The following TAOK1 variants were observed in gnomAD, a reference collection of about 807,000 sequenced individuals.
TAOK1 encodes TAO kinase 1.
In TAOK1, 21 loss-of-function variants were observed where a neutral mutation model predicts 138.3. The observed-to-expected ratio is 0.15, with a 90% CI of 0.11 to 0.22. The LOEUF is 0.22. TAOK1 is among the 10% of genes least tolerant of loss of function. The probability of loss-of-function intolerance (pLI) is 1.00; values close to 1 mark genes in which losing one functional copy is unlikely to be tolerated. For synonymous variants in TAOK1, 361 were observed against 398.4 expected, an observed-to-expected ratio of 0.91 and a Z score of 1.12; for missense variants, 651 against 1,227.7, an observed-to-expected ratio of 0.53 and a Z score of 7.02.
rs2030232670 is a variant in TAOK1, at chr17:29,451,442, T to C, written c.-94-13T>C. ...TTTGCCTTTTCTGACTTTTTTTTTCTATTTTTCTACAGTAGTTTATGCCAA... is the reference window on the plus strand; with the variant it reads ...TTTGCCTTTTCTGACTTTTTTTTTCCATTTTTCTACAGTAGTTTATGCCAA... On this transcript the variant is annotated splice_polypyrimidine_tract_variant and intron_variant, in intron 1 of 19. Coordinates refer to ENST00000261716, the MANE Select transcript of TAOK1 (RefSeq NM_020791.4). 1 of 1,363,242 alleles carries C rather than the reference T, an allele frequency of 7.3e-7. No individual in the cohort carries two copies. The highest frequency in any genetic ancestry group is 9.6e-7 in the Non-Finnish European group (1 of 1,038,006). 84.4% of individuals were successfully genotyped at this position (1,363,242 alleles called of 1,614,324 possible).
intron 1 of TAOK1, among the ~76,000 whole-genome samples, chr17:29,422,880 C>T (rs1370879966): frequency 6.6e-6 from 1 of 152,076 alleles, no homozygotes; most frequent in Non-Finnish European, 1.5e-5. Flanking sequence ...CAAAAATTAA[C>T]CGGGCGTGGT....
chr17:29,417,559 G>A (rs773023698), intron 1 of TAOK1, among the ~76,000 whole-genome samples: 1 of 152,170 alleles, frequency 6.6e-6, no homozygotes, highest in Non-Finnish European at 1.5e-5. Flanking sequence ...GGTCACCATT[G>A]CCTCAGGCCC....
intron 11 of TAOK1, among the ~76,000 whole-genome samples, chr17:29,497,330 T>A (rs1241231889): frequency 6.6e-6 from 1 of 152,154 alleles, no homozygotes; most frequent in Admixed American, 6.5e-5. Context: ...TTATTTTTAG[T>A]TCTTAATGAT....
rs536890474 is a variant in TAOK1 at position 29,456,335 on chromosome 17, G to A, written c.132+4655G>A. On this transcript the variant is annotated intron_variant, in intron 2 of 19. Transcript: ENST00000261716. ...CCACTGCACTCCAGCCTGGGGGATA[G>A]AGCGAGACTCTGTCTCCGGGAAAAA... 2.4e-4 allele frequency among the ~76,000 whole-genome samples: 36 copies of A among 150,204 alleles called. No individual in the cohort carries two copies. In the South Asian group the frequency reaches 7.5e-3, roughly 31 times the overall value.
chr17:29,495,877 A>G, intron 11 of TAOK1, 150 bp downstream of exon 11: 1 of 674,716 alleles, frequency 1.5e-6, no homozygotes, highest in Non-Finnish European at 2.2e-6. Flanking sequence ...AGTTAGGAAT[A>G]AAAAAAGGTC....
rs1297757046 is a variant in TAOK1 at position 29,397,667 on chromosome 17, A to G, written c.-95+6643A>G. Among the ~76,000 whole-genome samples, 4 of 36,458 alleles carry G rather than the reference A, an allele frequency of 1.1e-4. 1 individual carries two copies. Among genetic ancestry groups the G allele is most frequent in the African/African-American group, 4.4e-4 (4 of 9,090 alleles). The allele number at this position is 36,458 out of a possible 152,430, so 23.9% of individuals were successfully genotyped here. On this transcript the variant is annotated intron_variant, in intron 1 of 19. Transcript: ENST00000261716. The stretch of plus-strand genomic sequence containing the variant: ...GTATATATGTATATTCATGTATGAT[A>G]CATGTATACATGTATACATGTATAT...
At chr17:29,396,822 C>G (rs1904617063) in intron 1 of TAOK1, among the ~76,000 whole-genome samples, 1 of 151,626 alleles carries the variant, frequency 6.6e-6, no homozygotes, top group South Asian at 2.1e-4. Context: ...GGAAACCCGT[C>G]TCTACTAAAA....
At chr17:29,508,200 C>T (rs1206838276) in intron 14 of TAOK1, 68 bp downstream of exon 14, 7 of 1,347,178 alleles carry the variant, frequency 5.2e-6, no homozygotes, top group Non-Finnish European at 6.3e-6. Flanking sequence ...ACCAACATGG[C>T]AGTTTGATGT....
At chr17:29,458,128 C>T (rs2030439234) in intron 2 of TAOK1, among the ~76,000 whole-genome samples, 1 of 151,886 alleles carries the variant, frequency 6.6e-6, no homozygotes, top group Non-Finnish European at 1.5e-5. Context: ...AAAAATTAAC[C>T]ATAACACTGT....
intron 3 of TAOK1, 152 bp from the exon 4 acceptor site, chr17:29,475,518 T>G (rs2030925343): frequency 3.5e-6 from 2 of 567,640 alleles, no homozygotes; most frequent in Non-Finnish European, 6.1e-6. Flanking sequence ...CCAGCCTGGG[T>G]GAAAGAGCAA....
intron 19 of TAOK1, among the ~76,000 whole-genome samples, chr17:29,540,864 C>G (rs1294453653): frequency 6.6e-6 from 1 of 152,020 alleles, no homozygotes; most frequent in Non-Finnish European, 1.5e-5. Context: ...GCCACTGTGC[C>G]CGGCCAATTT....
chr17:29,391,909 A>T (rs1904443605), intron 1 of TAOK1, among the ~76,000 whole-genome samples: 1 of 152,102 alleles, frequency 6.6e-6, no homozygotes, highest in African/African-American at 2.4e-5. Flanking sequence ...TTTTTCTATG[A>T]CTTTTGTAGT....
intron 13 of TAOK1, 112 bp from the exon 14 acceptor site, chr17:29,507,784 A>T: frequency 1.0e-6 from 1 of 959,568 alleles, no homozygotes; most frequent in Non-Finnish European, 1.5e-6. Context: ...ATCTGCTAAC[A>T]TTGGGATATT....
At position 29,522,272 on chromosome 17, in the gene TAOK1, T is replaced by C. The variant is rs777651355; in HGVS notation, c.1909-8T>C. ...AGTTATACCTTTGTCTTTTGTGTTATGGATTAGGAGTTAAACAAAAGACAG... is the reference window on the plus strand; with the variant it reads ...AGTTATACCTTTGTCTTTTGTGTTACGGATTAGGAGTTAAACAAAAGACAG... On this transcript the variant is annotated splice_region_variant and splice_polypyrimidine_tract_variant and intron_variant, in intron 16 of 19. Coordinates refer to ENST00000261716, the MANE Select transcript of TAOK1 (RefSeq NM_020791.4). 8 of 1,613,106 alleles carry C rather than the reference T, an allele frequency of 5.0e-6. No homozygotes were observed. In the Admixed American group the frequency reaches 8.3e-5, roughly 17 times the overall value.
rs192796502 is a variant in TAOK1, at chr17:29,521,723, C to T, written c.1909-557C>T. 2.2e-3 allele frequency among the ~76,000 whole-genome samples: 336 copies of T among 152,188 alleles called. 2 individuals carry two copies. Among genetic ancestry groups the T allele is most frequent in the African/African-American group, 7.8e-3 (326 of 41,568 alleles). On this transcript the variant is annotated intron_variant, in intron 16 of 19. Transcript: ENST00000261716. ...TCAGCCTCCCGCGTAGCTGGGACTA[C>T]GGGCGCCCGCCACAACGCCTGGCTA...
intron 16 of TAOK1, among the ~76,000 whole-genome samples, chr17:29,520,408 C>A (rs943568153): frequency 6.6e-6 from 1 of 151,364 alleles, no homozygotes; most frequent in African/African-American, 2.4e-5. Flanking sequence ...TGGGCAACAT[C>A]GCAAGACCCT....
rs567389817 is a variant in TAOK1 at position 29,475,774 on chromosome 17, T to A, written c.306+3T>A. On this transcript the variant is annotated splice_donor_region_variant and intron_variant, in intron 4 of 19. Transcript: ENST00000261716. ...ATTTACGTGAACACACAGCATGGGT[T>A]GGTATTTGTTCTCCCCTTGTTGCAG... 3 of 1,606,726 alleles carry A rather than the reference T, an allele frequency of 1.9e-6. No individual in the cohort carries two copies. The African/African-American group carries it at 4.0e-5, about 21-fold the overall frequency.
chr17:29,532,270 C>T (rs2032129269), intron 18 of TAOK1, among the ~76,000 whole-genome samples: 1 of 151,536 alleles, frequency 6.6e-6, no homozygotes, highest in Non-Finnish European at 1.5e-5. Context: ...GTTTGCTGGT[C>T]TTTGTTCTAT....
chr17:29,534,109 C>CT lies in TAOK1; in HGVS notation c.2362-8dup. 6.3e-7 allele frequency: 1 copy of CT among 1,580,048 alleles called. No homozygotes were observed. The highest frequency in any genetic ancestry group is 1.9e-5 in the Admixed American group (1 of 53,208). On this transcript the variant is annotated splice_polypyrimidine_tract_variant and intron_variant, in intron 18 of 19. Coordinates refer to ENST00000261716, the MANE Select transcript of TAOK1 (RefSeq NM_020791.4). The stretch of plus-strand genomic sequence containing the variant: ...ATCTTTTTTTTTTCTCTCTCTCTCT[C>CT]TGTCTCAGCTGCGTTTGGATGAAGC...
Sources: allele counts gnomAD v4.1 joint callset (sites outside exome capture counted in the v4.1 genomes callset), GRCh38; gene constraint gnomAD v4.1.1; transcripts MANE v1.5; gene names NCBI Gene and HGNC (gene_info 2026-07-23, HGNC 2026-07-21).